The following VPS13C variants were observed in gnomAD, a reference collection of about 807,000 sequenced individuals.
The protein encoded by VPS13C is intermembrane lipid transfer protein VPS13C.
A neutral mutation model predicts 456.8 loss-of-function variants in VPS13C; 358 were observed. That is an observed-to-expected ratio of 0.78 (90% CI 0.72 to 0.86). VPS13C has a LOEUF of 0.86. VPS13C is among the 40% of genes least tolerant of loss of function. The pLI, the probability that VPS13C is intolerant of heterozygous loss-of-function variation, is 0.00. For synonymous variants in VPS13C, 1,578 were observed against 1,486.7 expected, an observed-to-expected ratio of 1.06 and a Z score of -1.41; for missense variants, 4,818 against 4,385.4, an observed-to-expected ratio of 1.10 and a Z score of -2.79.
At chr15:61,954,664 C>T (rs913991791) in intron 37 of VPS13C, 110 bp from the exon 38 acceptor site, 68 of 1,127,840 alleles carry the variant, frequency 6.0e-5, no homozygotes, top group African/African-American at 4.5e-4. Context: ...TGAAAATCCA[C>T]GAATTAGTAA....
At chr15:61,933,966 A>T (rs1410292584) in intron 49 of VPS13C, among the ~76,000 whole-genome samples, 5 of 152,142 alleles carry the variant, frequency 3.3e-5, no homozygotes. Context: ...TAATAAATCA[A>T]AATGTGTTTT....
chr15:61,875,644 C>A (rs1353588728), intron 76 of VPS13C, 88 bp downstream of exon 76: 3 of 884,068 alleles, frequency 3.4e-6, no homozygotes, highest in Non-Finnish European at 5.3e-6. Flanking sequence ...TTCCAAGATA[C>A]AATTACAATG....
rs931107973 is a variant in VPS13C, at chr15:61,858,123, C to T, written c.10953-1714G>A. ...ACAAATCCTCGTGCCAAACACAATT[C>T]ACTATTCCAAATATCTTTAAACTCT... On this transcript the variant is annotated intron_variant, in intron 82 of 84. Transcript: ENST00000644861. This position sits in a 1 kb window ranked among gnomAD's most constrained non-coding sequence, Gnocchi z 4.4. Among the ~76,000 whole-genome samples, 4 of 152,138 alleles carry T rather than the reference C, an allele frequency of 2.6e-5. No individual in the cohort carries two copies. Among genetic ancestry groups the T allele is most frequent in the Non-Finnish European group, 4.4e-5 (3 of 68,016 alleles).
At chr15:61,956,256 G>C (rs1027605027) in intron 37 of VPS13C, among the ~76,000 whole-genome samples, 37 of 151,054 alleles carry the variant, frequency 2.4e-4, no homozygotes, top group African/African-American at 9.0e-4. Context: ...GTTCTCACTC[G>C]TAAGTGGGAG....
intron 1 of VPS13C, among the ~76,000 whole-genome samples, chr15:62,046,223 A>T (rs908962791): frequency 2.0e-5 from 3 of 152,188 alleles, no homozygotes; most frequent in African/African-American, 7.2e-5. Flanking sequence ...CACACTGAAA[A>T]GTAAAACCGA....
intron 15 of VPS13C, among the ~76,000 whole-genome samples, chr15:62,004,631 CT>C (rs2046767294): frequency 2.0e-5 from 3 of 151,734 alleles, no homozygotes; most frequent in African/African-American, 7.3e-5. Context: ...AGTTTTGGAT[CT>C]TTCCTGCTTT....
chr15:61,951,013 C>T lies in VPS13C; in HGVS notation c.4468G>A (p.Glu1490Lys), dbSNP rs768028054. 2 of 1,596,442 alleles carry T rather than the reference C, an allele frequency of 1.3e-6. No individual in the cohort carries two copies. The highest frequency in any genetic ancestry group is 1.7e-6 in the Non-Finnish European group (2 of 1,172,154). The stretch of plus-strand genomic sequence containing the variant: ...GAAGAGTTAATAATGTGAAGAGGTT[C>T]CCCTTTAGAGTCTAAAAGAGAAAAA... ...QCFDFTDSKGEPLHIINSSNV... is the reference protein window; with the variant it reads ...QCFDFTDSKGKPLHIINSSNV... The change falls in exon 40 of 85, where the codon GAA (glutamate) becomes AAA (lysine). Residue 1490 changes from glutamate (E) to lysine (K), a missense_variant. Physicochemically the swap from Glu to Lys is moderately conservative, Grantham distance 56. This residue lies in a region of VPS13C where 4,552 missense variants were observed against 4,130.6 expected (regional missense o/e 1.10). Coordinates refer to ENST00000644861, the MANE Select transcript of VPS13C (RefSeq NM_020821.3).
chr15:61,984,349 C>T lies in VPS13C; in HGVS notation c.1722-337G>A, dbSNP rs528444964. Among the ~76,000 whole-genome samples, 83 of 152,252 alleles carry T rather than the reference C, an allele frequency of 5.5e-4. 3 individuals carry two copies. The South Asian group carries it at 0.017, about 31-fold the overall frequency. On this transcript the variant is annotated intron_variant, in intron 19 of 84. Coordinates refer to ENST00000644861, the MANE Select transcript of VPS13C (RefSeq NM_020821.3). The stretch of plus-strand genomic sequence containing the variant: ...CCTATTTCTATGCCACTCTTAACAC[C>T]CTCTTACTCCATTCCAGCTTCTCCT...
At chr15:61,954,624 A>T (rs555584025) in intron 37 of VPS13C, 70 bp from the exon 38 acceptor site, 2 of 1,456,792 alleles carry the variant, frequency 1.4e-6, no homozygotes, top group East Asian at 2.4e-5. Context: ...TTGTGGACTT[A>T]TATGAGTATT....
chr15:61,891,137 T>TC (rs1328482152), intron 66 of VPS13C, among the ~76,000 whole-genome samples: 1 of 152,220 alleles, frequency 6.6e-6, no homozygotes, highest in Non-Finnish European at 1.5e-5. Flanking sequence ...AATATTTATG[T>TC]AAATCACACT....
intron 43 of VPS13C, among the ~76,000 whole-genome samples, chr15:61,946,664 C>A (rs150500433): frequency 0.011 from 1,611 of 149,844 alleles, 28 homozygotes; most frequent in African/African-American, 0.037. Flanking sequence ...AAAAAACCCA[C>A]CAAGTTTCAA....
At position 61,974,276 on chromosome 15, in the gene VPS13C, G is replaced by A; in HGVS notation, c.2538+12C>T. On this transcript the variant is annotated intron_variant, in intron 25 of 84. Transcript: ENST00000644861. The stretch of plus-strand genomic sequence containing the variant: ...TAAAAATAGGGTTATACATTTTATT[G>A]TATCTATTTACCTGTCTCTCTGGAG... 1.2e-6 allele frequency: 2 copies of A among 1,605,498 alleles called. No individual in the cohort carries two copies. Among genetic ancestry groups the A allele is most frequent in the South Asian group, 1.1e-5 (1 of 89,776 alleles).
intron 1 of VPS13C, among the ~76,000 whole-genome samples, chr15:62,055,091 T>C (rs1193219555): frequency 2.6e-5 from 4 of 152,340 alleles, no homozygotes; most frequent in South Asian, 4.1e-4. Flanking sequence ...AAGAATTGCT[T>C]GGCATTAAAT....
chr15:61,912,306 T>C (rs565154344), intron 62 of VPS13C, among the ~76,000 whole-genome samples: 9 of 152,324 alleles, frequency 5.9e-5, no homozygotes, highest in African/African-American at 2.2e-4. Context: ...AATTGCTTTA[T>C]AATTAGTGTA....
chr15:61,936,895 C>G (rs2044245163), intron 47 of VPS13C, 145 bp from the exon 48 acceptor site: 1 of 903,102 alleles, frequency 1.1e-6, no homozygotes, highest in Non-Finnish European at 1.6e-6. Flanking sequence ...AATACCAGAA[C>G]AGAAGTATTT....
intron 6 of VPS13C, among the ~76,000 whole-genome samples, chr15:62,024,858 CAT>C (rs1161161004): frequency 4.6e-5 from 7 of 152,196 alleles, no homozygotes; most frequent in African/African-American, 1.2e-4. Context: ...TGCCTCTACA[CAT>C]GTCATTCCGT....
At chr15:61,909,486 C>T (rs777678504) in intron 64 of VPS13C, among the ~76,000 whole-genome samples, 12 of 152,306 alleles carry the variant, frequency 7.9e-5, no homozygotes, top group Non-Finnish European at 1.8e-4. Flanking sequence ...GGATTACAGG[C>T]GTGAGCCTCT....
At chr15:61,906,179 C>T (rs1195208971) in intron 66 of VPS13C, among the ~76,000 whole-genome samples, 1 of 152,164 alleles carries the variant, frequency 6.6e-6, no homozygotes, top group Non-Finnish European at 1.5e-5. Flanking sequence ...ACTCCCCTGT[C>T]ATGTCCACTT....
intron 16 of VPS13C, among the ~76,000 whole-genome samples, chr15:61,992,771 A>G (rs1303701415): frequency 6.6e-6 from 1 of 152,162 alleles, no homozygotes; most frequent in East Asian, 1.9e-4. Context: ...TGCACAAAAG[A>G]ATCATCTAGA....
Sources: gnomAD v4.1 joint callset for allele counts (sites outside exome capture counted in the v4.1 genomes callset) on GRCh38, gnomAD v4.1.1 for gene constraint, gnomAD v4.1.1 regional missense constraint, Gnocchi (gnomAD v3.1) non-coding constraint, MANE v1.5 for transcripts, NCBI Gene and HGNC (gene_info 2026-07-23, HGNC 2026-07-21) for gene names.